The following TMEM40 variants were observed in gnomAD, a reference collection of about 807,000 sequenced individuals.
TMEM40 encodes the protein transmembrane protein 40.
A neutral mutation model predicts 40.8 loss-of-function variants in TMEM40; 34 were observed. The ratio of observed to expected loss-of-function variants is 0.83; its 90% CI spans 0.63 to 1.11. The LOEUF (loss-of-function observed/expected upper bound fraction) is 1.11, where lower values mean the gene tolerates loss of function less well. Ranked by LOEUF, TMEM40 falls within the 50% of genes least tolerant of loss-of-function variation. TMEM40 has a pLI of 0.00. For missense variants in TMEM40, 296 were observed against 280.2 expected (o/e 1.06, Z -0.40); for synonymous variants, 106 against 107.0 (o/e 0.99, Z 0.06).
chr3:12,756,398 T>G (rs1336709680), intron 1 of TMEM40, among the ~76,000 whole-genome samples: 2 of 152,078 alleles, frequency 1.3e-5, no homozygotes, highest in Non-Finnish European at 2.9e-5. Context: ...ATCAAAAAGT[T>G]AGATGAGTGC....
At chr3:12,751,321 G>A (rs560920443) in intron 1 of TMEM40, among the ~76,000 whole-genome samples, 175 of 149,234 alleles carry the variant, frequency 1.2e-3, no homozygotes, top group African/African-American at 4.1e-3. Context: ...CGCTTCTGTC[G>A]CCCAGGCTGG....
At chr3:12,743,454 C>A (rs934764579) in intron 4 of TMEM40, among the ~76,000 whole-genome samples, 1 of 151,872 alleles carries the variant, frequency 6.6e-6, no homozygotes, top group African/African-American at 2.4e-5. Context: ...GCAACAAGAG[C>A]GAAACCCTGT....
At chr3:12,763,345 G>A (rs544319164), upstream of TMEM40, among the ~76,000 whole-genome samples, 2 of 152,184 alleles carry the variant, frequency 1.3e-5, no homozygotes, top group Admixed American at 6.5e-5. Flanking sequence ...CAGGATGGAT[G>A]AACCTCAGGG....
At chr3:12,742,157 G>T (rs1417430276) in intron 5 of TMEM40, among the ~76,000 whole-genome samples, 1 of 152,158 alleles carries the variant, frequency 6.6e-6, no homozygotes, top group Admixed American at 6.6e-5. Flanking sequence ...TTGAATTGGG[G>T]AGGTGGAAGT....
At position 12,749,847 on chromosome 3, in the gene TMEM40, G is replaced by A. The variant is rs746813403; in HGVS notation, c.-8-7C>T. 8.7e-6 allele frequency: 14 copies of A among 1,612,208 alleles called. No homozygotes were observed. In the East Asian group the frequency reaches 2.9e-4, roughly 33 times the overall value. On this transcript the variant is annotated splice_polypyrimidine_tract_variant and splice_region_variant and intron_variant, in intron 1 of 11. Coordinates refer to ENST00000314124, the MANE Select transcript of TMEM40 (RefSeq NM_018306.4). ...GAAGTCTCCATGGCTTTTCCTGGAG[G>A]AATAACAATAATCAGTAGTTAATAT...
intron 1 of TMEM40, among the ~76,000 whole-genome samples, chr3:12,766,544 G>A (rs1037222660): frequency 1.3e-5 from 2 of 150,354 alleles, no homozygotes; most frequent in African/African-American, 2.5e-5. Context: ...GCAGTGAGCC[G>A]AGATTGTGCC....
intron 3 of TMEM40, among the ~76,000 whole-genome samples, chr3:12,746,083 A>G (rs112482166): frequency 1.3e-5 from 2 of 151,784 alleles, no homozygotes; most frequent in African/African-American, 4.8e-5. Flanking sequence ...TTTTTATTAG[A>G]GACGAGGTTT....
intron 1 of TMEM40, among the ~76,000 whole-genome samples, chr3:12,754,192 G>C (rs1229550259): frequency 6.6e-6 from 1 of 152,214 alleles, no homozygotes; most frequent in East Asian, 1.9e-4. Flanking sequence ...GGCACCTGTA[G>C]TCCCAGCTAC....
At chr3:12,746,609 G>A (rs11923182) in intron 3 of TMEM40, among the ~76,000 whole-genome samples, 12,719 of 152,240 alleles carry the variant, frequency 0.084, 713 homozygotes, top group African/African-American at 0.16. Flanking sequence ...CTAGGGTAGC[G>A]GGTCACTGTC....
intron 8 of TMEM40, 100 bp from the exon 9 acceptor site, chr3:12,736,935 G>A: frequency 6.9e-7 from 1 of 1,439,288 alleles, no homozygotes; most frequent in Non-Finnish European, 9.8e-7. Context: ...GTGGAGTGCA[G>A]TTGTGCGATC....
At chr3:12,743,185 C>T (rs1023235150) in intron 4 of TMEM40, among the ~76,000 whole-genome samples, 1 of 152,106 alleles carries the variant, frequency 6.6e-6, no homozygotes, top group East Asian at 1.9e-4. Flanking sequence ...AAAACATGCT[C>T]GGCCAGGCAC....
chr3:12,768,319 G>T (rs771591886), intron 1 of TMEM40, among the ~76,000 whole-genome samples: 1 of 152,156 alleles, frequency 6.6e-6, no homozygotes, highest in African/African-American at 2.4e-5. Context: ...TCCACAGTGT[G>T]AAAGGTGACC....
upstream of TMEM40, among the ~76,000 whole-genome samples, chr3:12,762,731 A>G (rs551885051): frequency 4.6e-5 from 7 of 152,344 alleles, no homozygotes; most frequent in African/African-American, 1.7e-4. Flanking sequence ...ACCAGCTGCT[A>G]CAGCATCCCC....
chr3:12,752,489 A>G (rs1364278958), intron 1 of TMEM40, among the ~76,000 whole-genome samples: 1 of 152,320 alleles, frequency 6.6e-6, no homozygotes, highest in African/African-American at 2.4e-5. Flanking sequence ...ATTGGGGCAC[A>G]GAGAGGATAA....
At chr3:12,757,514 G>GA (rs1220175143) in intron 1 of TMEM40, among the ~76,000 whole-genome samples, 1 of 151,674 alleles carries the variant, frequency 6.6e-6, no homozygotes, top group Admixed American at 6.6e-5. Context: ...AGTCATTAGG[G>GA]AAGTGCAAAT....
intron 1 of TMEM40, among the ~76,000 whole-genome samples, chr3:12,766,283 G>A (rs2061593745): frequency 6.6e-6 from 1 of 151,672 alleles, no homozygotes; most frequent in Non-Finnish European, 1.5e-5. Context: ...GGTCTATTAT[G>A]AATAAAACTG....
intron 1 of TMEM40, among the ~76,000 whole-genome samples, chr3:12,757,268 G>A (rs1171890303): frequency 2.0e-5 from 3 of 152,090 alleles, no homozygotes; most frequent in Middle Eastern, 3.4e-3. Flanking sequence ...TCGGGAGTTC[G>A]AGACCAGGCT....
intron 1 of TMEM40, among the ~76,000 whole-genome samples, chr3:12,765,406 G>C (rs2061589799): frequency 6.6e-6 from 1 of 152,016 alleles, no homozygotes; most frequent in African/African-American, 2.4e-5. Flanking sequence ...GCAGCCCTTG[G>C]GGTGCCAACG....
intron 1 of TMEM40, among the ~76,000 whole-genome samples, chr3:12,767,552 C>T (rs1199139369): frequency 6.6e-6 from 1 of 152,154 alleles, no homozygotes; most frequent in Non-Finnish European, 1.5e-5. Flanking sequence ...AATGAAGTAA[C>T]GTACCCATCA....
Sources: allele counts gnomAD v4.1 joint callset (sites outside exome capture counted in the v4.1 genomes callset), GRCh38; gene constraint gnomAD v4.1.1; transcripts MANE v1.5; gene names NCBI Gene and HGNC (gene_info 2026-07-23, HGNC 2026-07-21).